The following TAS2R1 variants were observed in gnomAD, a reference collection of about 807,000 sequenced individuals.
TAS2R1 encodes taste receptor type 2 member 1.
For synonymous variants in TAS2R1, 141 were observed against 134.2 expected, an observed-to-expected ratio of 1.05 and a Z score of -0.35; for missense variants, 370 against 353.4, an observed-to-expected ratio of 1.05 and a Z score of -0.38.
the TAS2R1 span, among the ~76,000 whole-genome samples, chr5:9,816,548 A>T: frequency 1.3e-5 from 2 of 151,966 alleles, no homozygotes; most frequent in East Asian, 3.9e-4. Context: ...TTTTCTGCAG[A>T]CATTTCTCAG....
chr5:9,770,308 T>C, the TAS2R1 span, among the ~76,000 whole-genome samples: 1 of 152,208 alleles, frequency 6.6e-6, no homozygotes, highest in Non-Finnish European at 1.5e-5. Context: ...CCTTGGTTAC[T>C]ATAACTCTGC....
chr5:9,659,599 G>C (rs1256284190), intron 1 of TAS2R1: 2 of 151,488 alleles, frequency 1.3e-5, no homozygotes, highest in African/African-American at 4.9e-5. Context: ...ATGAGAAACA[G>C]GGGAGGGAAA....
chr5:9,732,229 G>A, the TAS2R1 span, among the ~76,000 whole-genome samples: 2 of 152,186 alleles, frequency 1.3e-5, no homozygotes, highest in Non-Finnish European at 2.9e-5. Flanking sequence ...CTGAAGCAAG[G>A]ACGAGGGCAG....
upstream of TAS2R1, among the ~76,000 whole-genome samples, chr5:9,634,254 T>C (rs1386663843): frequency 3.3e-5 from 5 of 152,150 alleles, no homozygotes; most frequent in Admixed American, 2.6e-4. Flanking sequence ...TGGCTATAAG[T>C]ATTTGGCTTT....
At position 9,646,268 on chromosome 5, in the gene TAS2R1, C is replaced by T. The variant is rs147938366; in HGVS notation, c.-81+13153G>A. ...ATTTTCCATCACTTAGTTACTCTGA[C>T]GGCTCAGATTTTATTGTGCTATAGA... On this transcript the variant is annotated intron_variant, in intron 2 of 2. Transcript: ENST00000506620. Among the ~76,000 whole-genome samples, 27 of 152,240 alleles carry T rather than the reference C, an allele frequency of 1.8e-4. 2 individuals are homozygous for T. The highest frequency in any genetic ancestry group is 6.8e-3 in the Middle Eastern group (2 of 294).
chr5:9,739,063 G>A, the TAS2R1 span, among the ~76,000 whole-genome samples: 19 of 152,152 alleles, frequency 1.2e-4, no homozygotes, highest in Non-Finnish European at 2.4e-4. Context: ...AAAGCTAACT[G>A]GAAATCAGAA....
At chr5:9,631,087 T>C (rs1739864353), upstream of TAS2R1, among the ~76,000 whole-genome samples, 2 of 152,160 alleles carry the variant, frequency 1.3e-5, no homozygotes, top group South Asian at 4.1e-4. Context: ...CCCCAGGCTG[T>C]AACAGCCAAA....
At chr5:9,861,276 A>G in the TAS2R1 span, among the ~76,000 whole-genome samples, 1 of 151,852 alleles carries the variant, frequency 6.6e-6, no homozygotes, top group Non-Finnish European at 1.5e-5. Flanking sequence ...TTATGCCTAC[A>G]CCAGCCCACG....
the TAS2R1 span, chr5:9,867,280 T>C: frequency 1.3e-5 from 2 of 152,208 alleles, no homozygotes; most frequent in East Asian, 1.9e-4. Context: ...GGATATATAT[T>C]AGTCCACTCT....
chr5:9,656,355 C>G (rs1246832021), intron 2 of TAS2R1, among the ~76,000 whole-genome samples: 2 of 152,072 alleles, frequency 1.3e-5, no homozygotes, highest in Non-Finnish European at 1.5e-5. Flanking sequence ...GCAACTGAAC[C>G]AATCGCATAT....
At chr5:9,756,608 T>G in the TAS2R1 span, among the ~76,000 whole-genome samples, 4,570 of 152,318 alleles carry the variant, frequency 0.03, 70 homozygotes, top group African/African-American at 0.034. Flanking sequence ...CAAAATTTTT[T>G]TTATGTTTGT....
At chr5:9,652,913 A>T (rs1035450289) in intron 2 of TAS2R1, among the ~76,000 whole-genome samples, 3 of 152,212 alleles carry the variant, frequency 2.0e-5, no homozygotes, top group African/African-American at 7.2e-5. Context: ...CATTTTAATC[A>T]CATTAAGTGA....
At chr5:9,779,390 T>C in the TAS2R1 span, among the ~76,000 whole-genome samples, 3 of 152,356 alleles carry the variant, frequency 2.0e-5, no homozygotes, top group African/African-American at 7.2e-5. Flanking sequence ...CAGGTATTCC[T>C]TTATAGCAAC....
the TAS2R1 span, among the ~76,000 whole-genome samples, chr5:9,823,587 A>AAAG: frequency 0.068 from 9,445 of 138,558 alleles, 374 homozygotes; most frequent in East Asian, 0.2. Flanking sequence ...GGAAGGGAAA[A>AAAG]AGGAGGGGAG....
intron 2 of TAS2R1, among the ~76,000 whole-genome samples, chr5:9,640,031 T>A (rs1232839820): frequency 6.6e-6 from 1 of 152,230 alleles, no homozygotes; most frequent in African/African-American, 2.4e-5. Flanking sequence ...ATTTGGCCTA[T>A]CATGGCTCTC....
the TAS2R1 span, among the ~76,000 whole-genome samples, chr5:9,746,927 G>A: frequency 2.0e-5 from 3 of 152,084 alleles, no homozygotes; most frequent in African/African-American, 7.2e-5. Context: ...AGAAGTTAAA[G>A]TAAAATAAAT....
chr5:9,670,502 C>T (rs1247848118), intron 1 of TAS2R1, among the ~76,000 whole-genome samples: 5 of 152,182 alleles, frequency 3.3e-5, no homozygotes, highest in Non-Finnish European at 4.4e-5. Flanking sequence ...CTTCTTCCAC[C>T]ATGTGGCTGC....
chr5:9,648,636 T>C (rs555731935), intron 2 of TAS2R1, among the ~76,000 whole-genome samples: 93 of 152,074 alleles, frequency 6.1e-4, no homozygotes, highest in African/African-American at 2.1e-3. Flanking sequence ...TACATGGTAC[T>C]GTCGAAATGA....
At chr5:9,678,528 A>G (rs1740924466) in intron 1 of TAS2R1, among the ~76,000 whole-genome samples, 1 of 152,202 alleles carries the variant, frequency 6.6e-6, no homozygotes, top group African/African-American at 2.4e-5. Context: ...CATGGAATCA[A>G]CCCAAATGCC....
Sources: gnomAD v4.1 joint callset for allele counts (sites outside exome capture counted in the v4.1 genomes callset) on GRCh38, gnomAD v4.1.1 for gene constraint, MANE v1.5 for transcripts, NCBI Gene and HGNC (gene_info 2026-07-23, HGNC 2026-07-21) for gene names.